Variants in P2RX1 observed in about 807,000 individuals in gnomAD.
P2RX1 encodes purinergic receptor P2X 1.
P2RX1 carries 42 observed loss-of-function variants against 50.3 expected under a neutral mutation model. The ratio of observed to expected loss-of-function variants is 0.83; its 90% CI spans 0.65 to 1.08. The LOEUF (loss-of-function observed/expected upper bound fraction) is 1.08, where lower values mean the gene tolerates loss of function less well. Ranked by LOEUF, P2RX1 falls within the 50% of genes least tolerant of loss-of-function variation. The pLI, the probability that P2RX1 is intolerant of heterozygous loss-of-function variation, is 0.00. For synonymous variants in P2RX1, 199 were observed against 202.6 expected (o/e 0.98, Z 0.15); for missense variants, 449 against 529.0 (o/e 0.85, Z 1.48).
chr17:3,903,501 G>A lies in P2RX1; in HGVS notation c.605+50C>T, dbSNP rs376813330. 3.8e-6 allele frequency: 6 copies of A among 1,599,216 alleles called. No individual in the cohort carries two copies. Among genetic ancestry groups the A allele is most frequent in the African/African-American group, 2.7e-5 (2 of 74,646 alleles). ...GAGACAGAGACAGCTGAGAGCTGCC[G>A]GAGCGGCCCCGGCCAGCTGCCTGCA... On this transcript the variant is annotated intron_variant, in intron 6 of 11. Coordinates refer to ENST00000225538, the MANE Select transcript of P2RX1 (RefSeq NM_002558.4). This position sits in a 1 kb window ranked among gnomAD's most constrained non-coding sequence, Gnocchi z 4.6.
At chr17:3,910,918 GACTA>G (rs1277570076) in intron 1 of P2RX1, among the ~76,000 whole-genome samples, 2 of 152,218 alleles carry the variant, frequency 1.3e-5, no homozygotes, top group Non-Finnish European at 2.9e-5. Flanking sequence ...TGTGTTGAAT[GACTA>G]ACTGAATGTG....
At chr17:3,911,307 C>T (rs995390026) in intron 1 of P2RX1, among the ~76,000 whole-genome samples, 2 of 151,944 alleles carry the variant, frequency 1.3e-5, no homozygotes, top group African/African-American at 4.8e-5. Flanking sequence ...TTCTTTCTTT[C>T]TTTCTTTTTT....
At chr17:3,901,241 A>C (rs149859132) in intron 7 of P2RX1, among the ~76,000 whole-genome samples, 7 of 151,944 alleles carry the variant, frequency 4.6e-5, no homozygotes, top group Non-Finnish European at 7.4e-5. Flanking sequence ...CTAATTTTTT[A>C]TATTTTTAGT....
intron 8 of P2RX1, 36 bp from the exon 9 acceptor site, chr17:3,899,060 A>G: frequency 6.8e-7 from 1 of 1,462,248 alleles, no homozygotes. Context: ...AGGGTGATGG[A>G]GGGGACTGTC....
In P2RX1 at chr17:3,914,525, C is replaced by T. The variant is rs77385024; in HGVS notation, c.137+1564G>A. The stretch of plus-strand genomic sequence containing the variant: ...AGATCTGAAAGCAGAACTAGGGAGC[C>T]GCAGGGGCAGAGAGAGGACAGCCTT... On this transcript the variant is annotated intron_variant, in intron 1 of 11. Coordinates refer to ENST00000225538, the MANE Select transcript of P2RX1 (RefSeq NM_002558.4). The surrounding 1 kb of genome is among the most constrained non-coding windows in gnomAD (Gnocchi z 4.1). Among the ~76,000 whole-genome samples the T allele has an allele frequency of 9.0e-3, 1,366 of 152,196 alleles. 17 individuals are homozygous for T. The highest frequency in any genetic ancestry group is 0.031 in the African/African-American group (1,295 of 41,520).
At chr17:3,911,828 G>A (rs532884872) in intron 1 of P2RX1, among the ~76,000 whole-genome samples, 2 of 152,188 alleles carry the variant, frequency 1.3e-5, no homozygotes, top group South Asian at 4.1e-4. Context: ...ACTGTGTCCC[G>A]ACAGGAGAGC....
At chr17:3,898,402 G>T (rs982428257) in intron 10 of P2RX1, 82 bp downstream of exon 10, 2 of 1,107,716 alleles carry the variant, frequency 1.8e-6, no homozygotes, top group African/African-American at 1.5e-5. Flanking sequence ...AAGTTTTAGG[G>T]TGAGGGACGT....
At chr17:3,910,792 C>G (rs911788241) in intron 1 of P2RX1, among the ~76,000 whole-genome samples, 1 of 152,260 alleles carries the variant, frequency 6.6e-6, no homozygotes, top group Non-Finnish European at 1.5e-5. Flanking sequence ...GCAGACAAGT[C>G]GAGGGGCATC....
chr17:3,905,614 G>A (rs986284188), intron 1 of P2RX1, among the ~76,000 whole-genome samples: 4 of 152,180 alleles, frequency 2.6e-5, no homozygotes, highest in East Asian at 1.9e-4. Flanking sequence ...TTGGGAGGCC[G>A]AGGCGGGTGG....
At chr17:3,909,873 C>A (rs2056332394) in intron 1 of P2RX1, among the ~76,000 whole-genome samples, 1 of 152,058 alleles carries the variant, frequency 6.6e-6, no homozygotes, top group Non-Finnish European at 1.5e-5. Flanking sequence ...CTCTTAATAC[C>A]CCCAATAAAC....
Position 3,904,875 on chromosome 17 carries a change from G to C in P2RX1, c.340C>G (p.Gln114Glu). 6.3e-7 allele frequency: 1 copy of C among 1,584,862 alleles called. No individual in the cohort carries two copies. The highest frequency in any genetic ancestry group is 8.6e-7 in the Non-Finnish European group (1 of 1,165,032). Residue 114 changes from glutamine (Q) to glutamate (E), a missense_variant, in exon 3 of 12, where the codon CAA (glutamine) becomes GAA (glutamate). By Grantham distance (29) the Gln-to-Glu change is conservative (BLOSUM62 2). Coordinates refer to ENST00000225538, the MANE Select transcript of P2RX1 (RefSeq NM_002558.4). ...GTCCTCACCTCTGCGCAGTAGCCTT[G>C]AGTCTGCTTCGGGGTCACGATGAAA... ...TNFIVTPKQT[Q>E]GYCAEHPEGG...
At chr17:3,899,298 G>A (rs887311081) in intron 8 of P2RX1, among the ~76,000 whole-genome samples, 4 of 149,032 alleles carry the variant, frequency 2.7e-5, no homozygotes, top group East Asian at 2.0e-4. Flanking sequence ...TCAGATTCCT[G>A]GTCTCAAAGC....
chr17:3,899,087 T>G, intron 8 of P2RX1, 63 bp from the exon 9 acceptor site: 1 of 1,152,622 alleles, frequency 8.7e-7, no homozygotes, highest in Non-Finnish European at 1.3e-6. Context: ...CTGGAGTTCT[T>G]AGCGCATCAG....
chr17:3,903,430 C>T lies in P2RX1; in HGVS notation c.606-87G>A. On this transcript the variant is annotated intron_variant, in intron 6 of 11. Transcript: ENST00000225538. The surrounding 1 kb of genome is among the most constrained non-coding windows in gnomAD (Gnocchi z 4.6). ...CCAAAGCCTGGGGACCCCTCACAGG[C>T]TCCACATTGCCCCTTTGATTCCTTC... 1 of 1,594,700 alleles carries T rather than the reference C, an allele frequency of 6.3e-7. No homozygotes were observed.
At chr17:3,907,090 G>A (rs534327663) in intron 1 of P2RX1, among the ~76,000 whole-genome samples, 79 of 152,332 alleles carry the variant, frequency 5.2e-4, no homozygotes, top group African/African-American at 1.8e-3. Flanking sequence ...TGAGCACCTG[G>A]ATTCAGCCAT....
chr17:3,899,326 C>T (rs73322986), intron 8 of P2RX1, among the ~76,000 whole-genome samples: 1,707 of 128,644 alleles, frequency 0.013, 61 homozygotes, highest in African/African-American at 0.048. Context: ...CCTCAGCCCC[C>T]CAAGATGCCT....
chr17:3,906,415 G>A (rs928527912), intron 1 of P2RX1, among the ~76,000 whole-genome samples: 10 of 152,322 alleles, frequency 6.6e-5, no homozygotes, highest in African/African-American at 1.7e-4. Context: ...ATAGGCATGA[G>A]CCACCGCACC....
rs568515681 is a variant in P2RX1 at position 3,906,411 on chromosome 17, A to G, written c.138-1044T>C. On this transcript the variant is annotated intron_variant, in intron 1 of 11. Coordinates refer to ENST00000225538, the MANE Select transcript of P2RX1 (RefSeq NM_002558.4). Reference sequence around the variant, plus strand: ...CTCCCAAAGTGCTGGGATTATAGGCATGAGCCACCGCACCCGGCCAACAAT... The same window carrying G: ...CTCCCAAAGTGCTGGGATTATAGGCGTGAGCCACCGCACCCGGCCAACAAT... 1.5e-4 allele frequency among the ~76,000 whole-genome samples: 23 copies of G among 152,324 alleles called. 1 individual carries two copies. The South Asian group carries it at 4.3e-3, about 29-fold the overall frequency.
At chr17:3,911,532 C>A (rs9898098) in intron 1 of P2RX1, among the ~76,000 whole-genome samples, 77,976 of 147,068 alleles carry the variant, frequency 0.53, 22,846 homozygotes, top group African/African-American at 0.78. Flanking sequence ...CCTTGGGTCC[C>A]GCCCCGTCCC....
Sources: gnomAD v4.1 joint callset for allele counts (sites outside exome capture counted in the v4.1 genomes callset) on GRCh38, gnomAD v4.1.1 for gene constraint, Gnocchi (gnomAD v3.1) non-coding constraint, MANE v1.5 for transcripts, NCBI Gene and HGNC (gene_info 2026-07-23, HGNC 2026-07-21) for gene names.